The following GAS2 variants were observed in gnomAD, a reference collection of about 807,000 sequenced individuals.
GAS2 encodes growth arrest-specific protein 2.
A neutral mutation model predicts 37.5 loss-of-function variants in GAS2; 20 were observed. The ratio of observed to expected loss-of-function variants is 0.53; its 90% CI spans 0.37 to 0.77. GAS2 has a LOEUF of 0.77. GAS2 is among the 30% of genes least tolerant of loss of function. The pLI, the probability that GAS2 is intolerant of heterozygous loss-of-function variation, is 0.00. For missense variants in GAS2, 336 were observed against 373.4 expected (o/e 0.90, Z 0.82); for synonymous variants, 144 against 132.2 (o/e 1.09, Z -0.61).
chr11:22,764,561 C>CAA (rs71311297), intron 7 of GAS2, among the ~76,000 whole-genome samples: 1,329 of 61,498 alleles, frequency 0.022, 40 homozygotes, highest in African/African-American at 0.061. Flanking sequence ...GACTCCGTCT[C>CAA]AAAAAAAAAA....
At chr11:22,789,281 C>CAT (rs1210684540) in intron 7 of GAS2, among the ~76,000 whole-genome samples, 2,143 of 109,386 alleles carry the variant, frequency 0.02, 31 homozygotes, top group African/African-American at 0.041. Context: ...GCCTAGATTT[C>CAT]ATATATATAT....
intron 6 of GAS2, among the ~76,000 whole-genome samples, chr11:22,752,331 C>T (rs537284242): frequency 6.6e-6 from 1 of 151,980 alleles, no homozygotes; most frequent in East Asian, 1.9e-4. Flanking sequence ...GAACTATTTG[C>T]ATTCTGTTTG....
intron 3 of GAS2, among the ~76,000 whole-genome samples, chr11:22,723,029 T>G (rs781360336): frequency 4.0e-5 from 6 of 151,858 alleles, no homozygotes; most frequent in Non-Finnish European, 7.4e-5. Context: ...TATTTCTAGT[T>G]ACGTGTGATA....
At chr11:22,652,203 G>C (rs1848784971) in intron 1 of GAS2, among the ~76,000 whole-genome samples, 1 of 152,176 alleles carries the variant, frequency 6.6e-6, no homozygotes, top group Non-Finnish European at 1.5e-5. Context: ...GTGTGCCCCT[G>C]CTGGGGGTGC....
upstream of GAS2, among the ~76,000 whole-genome samples, chr11:22,665,712 A>G (rs1848973632): frequency 6.6e-6 from 1 of 152,240 alleles, no homozygotes; most frequent in South Asian, 2.1e-4. Context: ...CTAGAAGCAA[A>G]TAACTGATGC....
At chr11:22,646,712 T>G (rs575783412) in intron 1 of GAS2, among the ~76,000 whole-genome samples, 1 of 152,280 alleles carries the variant, frequency 6.6e-6, no homozygotes, top group African/African-American at 2.4e-5. Context: ...CTTTTAAAAC[T>G]TAATCCAGAA....
At chr11:22,666,927 G>A (rs540436271) in intron 1 of GAS2, 28 bp downstream of exon 1, 1 of 152,418 alleles carries the variant, frequency 6.6e-6, no homozygotes, top group South Asian at 2.1e-4. Flanking sequence ...GCCCAGTTCT[G>A]CGCCAACGCC....
rs1852818195 is a variant in GAS2 at position 22,737,514 on chromosome 11, A to C, written c.410-191A>C. On this transcript the variant is annotated intron_variant, in intron 4 of 7. Coordinates refer to ENST00000454584, the MANE Select transcript of GAS2 (RefSeq NM_001143830.3). ...AGCTTTCAAGAGGAAGCATAGGCAG[A>C]GTTTTGAGAACTAATTTAAGCCTTT... is the stretch of plus-strand genomic sequence containing the variant. 2.6e-5 allele frequency among the ~76,000 whole-genome samples: 4 copies of C among 152,132 alleles called. No individual in the cohort carries two copies. The South Asian group carries it at 8.3e-4, about 32-fold the overall frequency.
intron 3 of GAS2, among the ~76,000 whole-genome samples, chr11:22,693,209 A>G (rs1254190254): frequency 6.6e-6 from 1 of 152,194 alleles, no homozygotes; most frequent in Admixed American, 6.6e-5. Flanking sequence ...TAGGATAGTA[A>G]GAATTCTGTT....
At chr11:22,674,829 G>T in intron 1 of GAS2, 21 bp from the exon 2 acceptor site, 1 of 1,544,434 alleles carries the variant, frequency 6.5e-7, no homozygotes, top group Non-Finnish European at 8.7e-7. Flanking sequence ...AAAAGCAATT[G>T]CTCTTTTGTT....
chr11:22,694,907 G>C (rs1289658841), intron 3 of GAS2, among the ~76,000 whole-genome samples: 4 of 152,112 alleles, frequency 2.6e-5, no homozygotes, highest in Non-Finnish European at 4.4e-5. Context: ...TGTATATTGA[G>C]GCTTTGTAAC....
At chr11:22,699,357 T>A (rs1258006798) in intron 3 of GAS2, among the ~76,000 whole-genome samples, 1 of 152,092 alleles carries the variant, frequency 6.6e-6, no homozygotes, top group Non-Finnish European at 1.5e-5. Context: ...AAATGCCTTG[T>A]GGGGAATCAG....
chr11:22,674,607 A>T (rs1849342872), intron 1 of GAS2, among the ~76,000 whole-genome samples: 1 of 152,170 alleles, frequency 6.6e-6, no homozygotes, highest in African/African-American at 2.4e-5. Flanking sequence ...TTTCATACAA[A>T]CTTGGAGTTT....
At chr11:22,775,473 A>C (rs1855212337) in intron 7 of GAS2, among the ~76,000 whole-genome samples, 1 of 152,206 alleles carries the variant, frequency 6.6e-6, no homozygotes, top group African/African-American at 2.4e-5. Flanking sequence ...ATTTTGGCTT[A>C]TTCTGATACA....
At chr11:22,758,026 T>C (rs1017657533) in intron 7 of GAS2, among the ~76,000 whole-genome samples, 2 of 152,208 alleles carry the variant, frequency 1.3e-5, no homozygotes, top group African/African-American at 4.8e-5. Context: ...TTGATGTGCA[T>C]ATGATTATGC....
chr11:22,681,587 A>G (rs1849686550), intron 2 of GAS2, among the ~76,000 whole-genome samples: 1 of 152,152 alleles, frequency 6.6e-6, no homozygotes, highest in African/African-American at 2.4e-5. Flanking sequence ...TTTCCCTACA[A>G]ACACCAACCA....
At chr11:22,668,877 G>A (rs1849092285) in intron 1 of GAS2, among the ~76,000 whole-genome samples, 1 of 152,244 alleles carries the variant, frequency 6.6e-6, no homozygotes, top group African/African-American at 2.4e-5. Context: ...TTGATATTAA[G>A]GTCCAAACAG....
chr11:22,702,373 G>C (rs770206074), intron 3 of GAS2: 8 of 152,160 alleles, frequency 5.3e-5, no homozygotes, highest in Non-Finnish European at 1.0e-4. Context: ...GATGAAGTTT[G>C]TTGAACTGTC....
intron 1 of GAS2, among the ~76,000 whole-genome samples, chr11:22,655,009 T>G (rs1848839202): frequency 6.6e-6 from 1 of 152,196 alleles, no homozygotes; most frequent in African/African-American, 2.4e-5. Context: ...GTTTCCACCT[T>G]AAGTCCAAAC....
Sources: gnomAD v4.1 joint callset for allele counts (sites outside exome capture counted in the v4.1 genomes callset) on GRCh38, gnomAD v4.1.1 for gene constraint, MANE v1.5 for transcripts, NCBI Gene and HGNC (gene_info 2026-07-23, HGNC 2026-07-21) for gene names.